LNX2: variants seen among roughly 807,000 people sequenced by gnomAD.
The protein encoded by LNX2 is ligand of numb-protein X 2.
Under a neutral mutation model 66.2 loss-of-function variants are expected in LNX2, and 35 were observed. The observed-to-expected ratio is 0.53, with a 90% CI of 0.40 to 0.70. LNX2 has a LOEUF of 0.70. Ranked by LOEUF, LNX2 falls within the 30% of genes least tolerant of loss-of-function variation. The pLI, the probability that LNX2 is intolerant of heterozygous loss-of-function variation, is 0.00. For missense variants in LNX2, 791 were observed against 850.8 expected (o/e 0.93, Z 0.87); for synonymous variants, 337 against 315.6 (o/e 1.07, Z -0.72).
chr13:27,602,713 AG>A (rs796172451), intron 1 of LNX2, among the ~76,000 whole-genome samples: 62 of 152,298 alleles, frequency 4.1e-4, no homozygotes, highest in African/African-American at 1.4e-3. Context: ...GTTGAGTCCC[AG>A]GGAAGGTAGA....
In LNX2 at chr13:27,581,328, G is replaced by A. The variant is rs963005282; in HGVS notation, c.376C>T (p.Arg126Cys). The A allele has an allele frequency of 4.0e-6, 6 of 1,508,234 alleles. No homozygotes were observed. The South Asian group carries it at 4.1e-5, about 10-fold the overall frequency. The allele number at this position is 1,508,234 out of a possible 1,614,324, so 93.4% of individuals were successfully genotyped here. A position where few individuals can be genotyped will look rare whatever the true frequency, so the allele number is the denominator to read the frequency against. The change falls in exon 2 of 10, where the codon CGT becomes TGT. Residue 126 changes from arginine (R) to cysteine (C), a missense_variant. Physicochemically the swap from Arg to Cys is radical, Grantham distance 180. Transcript: ENST00000316334. ...FSSVCKDVMQ[R>C]CDLEAHLKNR... ...TTGAGATGTGCCTCCAGATCACAAC[G>A]TTGCATTACATCTTTGCACACTGAA... is the stretch of plus-strand genomic sequence containing the variant.
rs758577394 is a variant in LNX2 at position 27,562,682 on chromosome 13, G to C, written c.955C>G (p.Arg319Gly). 2 of 1,614,180 alleles carry C rather than the reference G, an allele frequency of 1.2e-6. No homozygotes were observed. Among genetic ancestry groups the C allele is most frequent in the East Asian group, 2.2e-5 (1 of 44,880 alleles). Reference protein sequence around the residue: ...TLHLTVLRERRFGNRAHNHSD... With the variant: ...TLHLTVLRERGFGNRAHNHSD... ...TGGTTGTGTGCTCGGTTGCCAAAGC[G>C]CCTCTCTCGAAGCACAGTAAGATGC... The change falls in exon 5 of 10, where the codon CGC becomes GGC. Residue 319 changes from arginine to glycine, a missense_variant. Transcript: ENST00000316334.
intron 1 of LNX2, among the ~76,000 whole-genome samples, chr13:27,610,303 CA>C: frequency 6.6e-6 from 1 of 152,308 alleles, no homozygotes. Context: ...ATAAAAACAA[CA>C]GAGAAATTCA....
At chr13:27,576,708 G>C (rs1458682014) in intron 2 of LNX2, among the ~76,000 whole-genome samples, 3 of 151,338 alleles carry the variant, frequency 2.0e-5, no homozygotes, top group Non-Finnish European at 2.9e-5. Flanking sequence ...CTGGGTGACA[G>C]AGCGAGATGC....
At position 27,615,182 on chromosome 13, in the gene LNX2, C is replaced by G. The variant is rs542048389; in HGVS notation, c.-101+5193G>C. Among the ~76,000 whole-genome samples the G allele has an allele frequency of 1.4e-4, 21 of 152,370 alleles. No individual in the cohort carries two copies. In the South Asian group the frequency reaches 4.3e-3, roughly 32 times the overall value. ...GCAGGCCTCAGAAAATTCTAACTGA[C>G]TGGCCTCAATTTGGGGTTCCCATAA... On this transcript the variant is annotated intron_variant, in intron 1 of 9. Coordinates refer to ENST00000316334, the MANE Select transcript of LNX2 (RefSeq NM_153371.4).
chr13:27,605,996 A>G (rs1039869594), intron 1 of LNX2, among the ~76,000 whole-genome samples: 5 of 152,200 alleles, frequency 3.3e-5, no homozygotes, highest in African/African-American at 1.2e-4. Flanking sequence ...TCAGAAAAAC[A>G]AAATGGATGC....
intron 2 of LNX2, among the ~76,000 whole-genome samples, chr13:27,570,255 G>GT (rs1955262813): frequency 1.3e-5 from 2 of 152,178 alleles, no homozygotes; most frequent in South Asian, 4.1e-4. Context: ...ATTAGCTACA[G>GT]TAACGCTTGG....
intron 1 of LNX2, among the ~76,000 whole-genome samples, chr13:27,588,050 A>G (rs976701640): frequency 8.8e-5 from 13 of 147,940 alleles, no homozygotes; most frequent in Admixed American, 3.4e-4. Context: ...AAAAAAAAAA[A>G]GCAGTGCTGT....
intron 1 of LNX2, among the ~76,000 whole-genome samples, chr13:27,601,529 G>A (rs1955658327): frequency 6.6e-6 from 1 of 152,108 alleles, no homozygotes; most frequent in Non-Finnish European, 1.5e-5. Flanking sequence ...CTATGATTTG[G>A]TGTAATTAAC....
chr13:27,559,754 T>C, intron 6 of LNX2, 88 bp downstream of exon 6: 20 of 1,320,952 alleles, frequency 1.5e-5, no homozygotes, highest in Non-Finnish European at 1.9e-5. Flanking sequence ...GAGGTGTGAC[T>C]GACACACAAA....
intron 1 of LNX2, among the ~76,000 whole-genome samples, chr13:27,618,126 GTCAA>G (rs1204726012): frequency 6.6e-6 from 1 of 152,192 alleles, no homozygotes; most frequent in Non-Finnish European, 1.5e-5. Context: ...CCCAGTACAT[GTCAA>G]TCAATGCCTG....
intron 1 of LNX2, among the ~76,000 whole-genome samples, chr13:27,582,531 T>A (rs1371810647): frequency 1.3e-5 from 2 of 152,326 alleles, no homozygotes; most frequent in Middle Eastern, 3.4e-3. Context: ...CATGTCATCT[T>A]AGACATGCTT....
chr13:27,565,173 T>C (rs1271504769), intron 4 of LNX2, among the ~76,000 whole-genome samples: 2 of 152,198 alleles, frequency 1.3e-5, no homozygotes, highest in Non-Finnish European at 2.9e-5. Flanking sequence ...TTTCAGATAA[T>C]TACAATCTTT....
chr13:27,574,469 G>A (rs1955321516), intron 2 of LNX2, among the ~76,000 whole-genome samples: 2 of 150,830 alleles, frequency 1.3e-5, no homozygotes, highest in Non-Finnish European at 2.9e-5. Context: ...TGAATCAGAA[G>A]AAAGAACTGG....
rs1445004535 is a variant in LNX2, at chr13:27,546,622, C to T, written c.*1713G>A. ...AATAATCAGTGACATGCTACAGATACAATAAACCCCAGCAATACAATTGCT... is the reference window on the plus strand; with the variant it reads ...AATAATCAGTGACATGCTACAGATATAATAAACCCCAGCAATACAATTGCT... On this transcript the variant is annotated 3_prime_UTR_variant, in exon 10 of 10. Coordinates refer to ENST00000316334, the MANE Select transcript of LNX2 (RefSeq NM_153371.4). The T allele has an allele frequency of 6.6e-6, 1 of 152,120 alleles. No homozygotes were observed. The highest frequency in any genetic ancestry group is 1.9e-4 in the East Asian group (1 of 5,198). 9.4% of individuals were successfully genotyped at this position (152,120 alleles called of 1,614,324 possible).
chr13:27,576,432 C>T (rs1955340732), intron 2 of LNX2, among the ~76,000 whole-genome samples: 1 of 152,030 alleles, frequency 6.6e-6, no homozygotes, highest in African/African-American at 2.4e-5. Context: ...AAAAAGGCCT[C>T]AAGGCTGGGC....
intron 2 of LNX2, among the ~76,000 whole-genome samples, chr13:27,572,109 T>C (rs1451956111): frequency 6.6e-6 from 1 of 152,192 alleles, no homozygotes; most frequent in Non-Finnish European, 1.5e-5. Flanking sequence ...TTTCTAGGCC[T>C]TGGGAAAATA....
intron 1 of LNX2, among the ~76,000 whole-genome samples, chr13:27,612,528 T>C (rs1955783503): frequency 6.6e-6 from 1 of 152,222 alleles, no homozygotes; most frequent in Admixed American, 6.5e-5. Context: ...AACAGAAAGA[T>C]CACTTGAGCC....
intron 1 of LNX2, among the ~76,000 whole-genome samples, chr13:27,614,835 G>A (rs181342267): frequency 4.6e-4 from 70 of 152,190 alleles, no homozygotes; most frequent in African/African-American, 1.5e-3. Context: ...GGGGGTGGCA[G>A]GTATAAATAT....
Sources: allele counts gnomAD v4.1 joint callset (sites outside exome capture counted in the v4.1 genomes callset), GRCh38; gene constraint gnomAD v4.1.1; transcripts MANE v1.5; gene names NCBI Gene and HGNC (gene_info 2026-07-23, HGNC 2026-07-21).